ZSCAN32: variants seen among roughly 807,000 people sequenced by gnomAD.
The protein encoded by ZSCAN32 is zinc finger and SCAN domain-containing protein 32.
Under a neutral mutation model 47.4 loss-of-function variants are expected in ZSCAN32, and 52 were observed. The ratio of observed to expected loss-of-function variants is 1.10; its 90% confidence interval spans 0.88 to 1.38. The LOEUF is 1.38. ZSCAN32 is among the 40% of genes most tolerant of loss of function. ZSCAN32 has a pLI of 0.00. For missense variants in ZSCAN32, 959 were observed against 846.0 expected (o/e 1.13, Z -1.66); for synonymous variants, 346 against 305.7 (o/e 1.13, Z -1.38).
intron 1 of ZSCAN32, 99 bp from the exon 2 acceptor site, chr16:3,397,843 A>C: frequency 1.4e-5 from 3 of 212,812 alleles, no homozygotes; most frequent in Non-Finnish European, 9.2e-6. Context: ...TCCCTCCACA[A>C]ATCTACACCA....
chr16:3,385,238 A>G (rs1397196608), intron 5 of ZSCAN32, among the ~76,000 whole-genome samples: 1 of 152,130 alleles, frequency 6.6e-6, no homozygotes, highest in East Asian at 1.9e-4. Flanking sequence ...AGGAAGAAGA[A>G]TCACTTGAAC....
Position 3,383,332 on chromosome 16 carries a change from C to T in ZSCAN32, c.1614G>A (p.Arg538=), listed in dbSNP as rs753704131. The T allele has an allele frequency of 1.2e-6, 2 of 1,614,190 alleles. No homozygotes were observed. The highest frequency in any genetic ancestry group is 3.3e-5 in the Admixed American group (2 of 60,016). Residue 538 remains arginine (R), a synonymous_variant, in exon 7 of 7, where the codon CGG becomes CGA. Transcript: ENST00000396852. ...KTFSRSSYLV[R]HQRIHTGEKP... is the part of the protein sequence containing the mutation. ...TCTCGCCTGTGTGGATTCTTTGATG[C>T]CGAACAAGATAAGAACTTCGGCTAA...
chr16:3,397,571 C>T lies in ZSCAN32; in HGVS notation c.-14G>A, dbSNP rs1201237048. On this transcript the variant is annotated 5_prime_UTR_variant, in exon 2 of 7. Coordinates refer to ENST00000396852, the MANE Select transcript of ZSCAN32 (RefSeq NM_001284527.2). ...TGCAGCCATCATTTGCTTCAACGAA[C>T]TGGCTTACTCTGGTTGCCACTTCTA... 1 of 1,505,420 alleles carries T rather than the reference C, an allele frequency of 6.6e-7. No homozygotes were observed. Among genetic ancestry groups the T allele is most frequent in the Non-Finnish European group, 8.9e-7 (1 of 1,121,738 alleles). 93.3% of individuals were successfully genotyped at this position (1,505,420 alleles called of 1,614,324 possible). A position where few individuals can be genotyped will look rare whatever the true frequency, so the allele number is the denominator to read the frequency against.
chr16:3,393,240 TTTA>T (rs2033011429), intron 3 of ZSCAN32, among the ~76,000 whole-genome samples: 1 of 9,750 alleles, frequency 1.0e-4, no homozygotes, highest in African/African-American at 9.3e-4. Flanking sequence ...ATTTATATAT[TTTA>T]TATATATATA....
At chr16:3,397,833 TC>T in intron 1 of ZSCAN32, 89 bp from the exon 2 acceptor site, 13 of 258,626 alleles carry the variant, frequency 5.0e-5, no homozygotes, top group South Asian at 2.1e-4. Flanking sequence ...TTTCCTTTAC[TC>T]CCTCCACAAA....
chr16:3,384,082 C>G (rs1158522232), intron 6 of ZSCAN32: 5 of 467,792 alleles, frequency 1.1e-5, no homozygotes, highest in Non-Finnish European at 1.9e-5. Flanking sequence ...GCTTGGCCAG[C>G]TCAAACAGGA....
chr16:3,391,133 C>G (rs368779077), intron 3 of ZSCAN32, among the ~76,000 whole-genome samples: 1 of 152,146 alleles, frequency 6.6e-6, no homozygotes, highest in East Asian at 1.9e-4. Context: ...TCAGTGGCAA[C>G]TCAGAGGTAT....
At chr16:3,392,098 A>G (rs1470823313) in intron 3 of ZSCAN32, among the ~76,000 whole-genome samples, 1 of 152,250 alleles carries the variant, frequency 6.6e-6, no homozygotes, top group Non-Finnish European at 1.5e-5. Context: ...GTACTGATAC[A>G]TGCTCAAAAC....
intron 5 of ZSCAN32, among the ~76,000 whole-genome samples, chr16:3,388,138 A>G (rs1469064459): frequency 6.6e-6 from 1 of 152,232 alleles, no homozygotes; most frequent in Non-Finnish European, 1.5e-5. Context: ...AAATTGTTAT[A>G]AAAGTTTCTA....
At chr16:3,394,355 T>C (rs1438277557) in intron 2 of ZSCAN32, among the ~76,000 whole-genome samples, 1 of 152,172 alleles carries the variant, frequency 6.6e-6, no homozygotes, top group Non-Finnish European at 1.5e-5. Flanking sequence ...TGTTAAAAAC[T>C]GAAATATATT....
Position 3,384,098 on chromosome 16 carries a change from G to A in ZSCAN32, c.1234+361C>T, listed in dbSNP as rs575903631. On this transcript the variant is annotated intron_variant, in intron 6 of 6. Transcript: ENST00000396852. ...CTTGGCCAGCTCAAACAGGAAGAAAGCAAGGTGCTAAGTACCCAGCCAGCA... is the reference window on the plus strand; with the variant it reads ...CTTGGCCAGCTCAAACAGGAAGAAAACAAGGTGCTAAGTACCCAGCCAGCA... 2.6e-4 allele frequency: 127 copies of A among 481,724 alleles called. No individual in the cohort carries two copies. The South Asian group carries it at 3.9e-3, about 15-fold the overall frequency. 29.8% of individuals were successfully genotyped at this position (481,724 alleles called of 1,614,324 possible).
Position 3,384,805 on chromosome 16 carries a change from C to G in ZSCAN32, c.888G>C (p.Glu296Asp), listed in dbSNP as rs371182988. The change falls in exon 6 of 7, where the codon GAG becomes GAC. Residue 296 changes from glutamate (E) to aspartate (D), a missense_variant. By Grantham distance (45) the Glu-to-Asp change is conservative (BLOSUM62 2). Coordinates refer to ENST00000396852, the MANE Select transcript of ZSCAN32 (RefSeq NM_001284527.2). ...IYRAMAEGLW[E>D]QGFLRTPEQC... ...GTTCTGGGGTCCGCAGAAAACCCTG[C>G]TCCCAGAGTCCTTCCGCCATGGCCC... The G allele has an allele frequency of 6.2e-7, 1 of 1,614,192 alleles. No homozygotes were observed. The highest frequency in any genetic ancestry group is 8.5e-7 in the Non-Finnish European group (1 of 1,180,036).
intron 6 of ZSCAN32, chr16:3,384,176 G>T: frequency 1.8e-6 from 1 of 560,514 alleles, no homozygotes; most frequent in Non-Finnish European, 3.1e-6. Context: ...GGAGAAGATG[G>T]ACCTGGTCTG....
Position 3,390,288 on chromosome 16 carries a change from T to C in ZSCAN32, c.627+135A>G, listed in dbSNP as rs1425563740. The C allele has an allele frequency of 4.4e-6, 6 of 1,363,552 alleles. No homozygotes were observed. The Admixed American group carries it at 1.6e-4, about 36-fold the overall frequency. The allele number at this position is 1,363,552 out of a possible 1,614,324, so 84.5% of individuals were successfully genotyped here. On this transcript the variant is annotated intron_variant, in intron 4 of 6. Coordinates refer to ENST00000396852, the MANE Select transcript of ZSCAN32 (RefSeq NM_001284527.2). Reference sequence around the variant, plus strand: ...ACAGGTTCTGAGCCATGTGATGATGTCAGAGTGGACAGAATCAAAATAACC... The same window carrying C: ...ACAGGTTCTGAGCCATGTGATGATGCCAGAGTGGACAGAATCAAAATAACC...
Position 3,390,526 on chromosome 16 carries a change from A to G in ZSCAN32, c.533-9T>C, listed in dbSNP as rs937992781. On this transcript the variant is annotated splice_polypyrimidine_tract_variant and intron_variant, in intron 3 of 6. Transcript: ENST00000396852. ...CTGAGGAGCAAGCCAGGCTGGGGGA[A>G]AAAACAGCCGCTATTAGAGGGCGGC... 20 of 1,547,650 alleles carry G rather than the reference A, an allele frequency of 1.3e-5. 1 individual carries two copies. The Admixed American group carries it at 1.8e-4, about 14-fold the overall frequency.
At position 3,383,652 on chromosome 16, in the gene ZSCAN32, C is replaced by T; in HGVS notation, c.1294G>A (p.Val432Ile). Residue 432 changes from valine (V) to isoleucine (I), a missense_variant, in exon 7 of 7, where the codon GTA becomes ATA. By Grantham distance (29) the Val-to-Ile change is conservative. Coordinates refer to ENST00000396852, the MANE Select transcript of ZSCAN32 (RefSeq NM_001284527.2). The part of the protein sequence containing the change: ...ENLKWDDSEE[V>I]EINKALQRKS... ...CTCTGTAAAGCCTTGTTTATTTCTA[C>T]TTCCTCTGAATCATCCCATTTTAGA... 6.2e-7 allele frequency: 1 copy of T among 1,611,528 alleles called. No individual in the cohort carries two copies. The highest frequency in any genetic ancestry group is 8.5e-7 in the Non-Finnish European group (1 of 1,179,896).
At position 3,383,662 on chromosome 16, in the gene ZSCAN32, A is replaced by T. The variant is rs1313775981; in HGVS notation, c.1284T>A (p.Asp428Glu). Residue 428 changes from aspartate to glutamate, a missense_variant, in exon 7 of 7, where the codon GAT (aspartate) becomes GAA (glutamate). By Grantham distance (45) the Asp-to-Glu change is conservative. Transcript: ENST00000396852. ...CCTTGTTTATTTCTACTTCCTCTGAATCATCCCATTTTAGATTTTCTTTTT... is the reference window on the plus strand; with the variant it reads ...CCTTGTTTATTTCTACTTCCTCTGATTCATCCCATTTTAGATTTTCTTTTT... Reference protein sequence around the residue: ...EIKKENLKWDDSEEVEINKAL... With the variant: ...EIKKENLKWDESEEVEINKAL... 2.5e-6 allele frequency: 4 copies of T among 1,605,544 alleles called. No individual in the cohort carries two copies. The highest frequency in any genetic ancestry group is 1.7e-5 in the Admixed American group (1 of 58,746).
chr16:3,393,879 A>C, intron 2 of ZSCAN32, 65 bp from the exon 3 acceptor site: 1 of 1,361,004 alleles, frequency 7.3e-7, no homozygotes, highest in Non-Finnish European at 9.8e-7. Flanking sequence ...ACAACTCCTA[A>C]GAGTGGCATT....
At chr16:3,399,584 TAATA>T (rs1170917603) in intron 1 of ZSCAN32, among the ~76,000 whole-genome samples, 2 of 152,100 alleles carry the variant, frequency 1.3e-5, no homozygotes, top group African/African-American at 4.8e-5. Flanking sequence ...AATTTAAAAT[TAATA>T]AATAACTTTT....
Sources: gnomAD v4.1 joint callset for allele counts (sites outside exome capture counted in the v4.1 genomes callset) on GRCh38, gnomAD v4.1.1 for gene constraint, MANE v1.5 for transcripts, NCBI Gene and HGNC (gene_info 2026-07-23, HGNC 2026-07-21) for gene names.